GPC5: variants seen among roughly 807,000 people sequenced by gnomAD.
GPC5 encodes the protein glypican-5.
In GPC5, 47 loss-of-function variants were observed where a neutral mutation model predicts 53.9. The observed-to-expected ratio is 0.87, with a 90% CI of 0.69 to 1.11. GPC5 has a LOEUF of 1.11. Ranked by LOEUF, GPC5 falls within the 50% of genes most tolerant of loss-of-function variation. The pLI is 0.00. For synonymous variants in GPC5, 286 were observed against 263.3 expected, an observed-to-expected ratio of 1.09 and a Z score of -0.84; for missense variants, 748 against 713.1, an observed-to-expected ratio of 1.05 and a Z score of -0.56.
intron 2 of GPC5, among the ~76,000 whole-genome samples, chr13:91,628,695 G>T (rs1396454294): frequency 1.3e-5 from 2 of 152,116 alleles, no homozygotes; most frequent in African/African-American, 2.4e-5. Flanking sequence ...CTCTGTCTCA[G>T]TTGCTTTATC....
chr13:91,471,210 C>A (rs188297392), intron 2 of GPC5, among the ~76,000 whole-genome samples: 6 of 152,156 alleles, frequency 3.9e-5, no homozygotes, highest in Admixed American at 3.9e-4. Context: ...TGGGGCAGGA[C>A]CTGCTTTTAC....
At chr13:91,830,780 T>A (rs1335513971) in intron 5 of GPC5, among the ~76,000 whole-genome samples, 2 of 120,632 alleles carry the variant, frequency 1.7e-5, no homozygotes, top group African/African-American at 5.6e-5. Flanking sequence ...ATATATAAAA[T>A]ATATATATAC....
intron 2 of GPC5, among the ~76,000 whole-genome samples, chr13:91,586,528 A>G (rs866050548): frequency 1.7e-4 from 6 of 34,378 alleles, no homozygotes; most frequent in African/African-American, 9.3e-4. Flanking sequence ...ATATATATAT[A>G]TATATATATA....
At chr13:92,164,158 C>G (rs2042010620) in intron 7 of GPC5, among the ~76,000 whole-genome samples, 1 of 152,118 alleles carries the variant, frequency 6.6e-6, no homozygotes, top group African/African-American at 2.4e-5. Context: ...ATCATTCTGC[C>G]CCTGGCCCTT....
chr13:92,369,711 T>G (rs2043635080), intron 7 of GPC5, among the ~76,000 whole-genome samples: 2 of 152,218 alleles, frequency 1.3e-5, no homozygotes, highest in Non-Finnish European at 2.9e-5. Context: ...TAAAAATGCT[T>G]GCAGGTTACT....
At chr13:91,929,023 G>A (rs2039795920) in intron 6 of GPC5, among the ~76,000 whole-genome samples, 1 of 152,066 alleles carries the variant, frequency 6.6e-6, no homozygotes, top group Non-Finnish European at 1.5e-5. Context: ...CCTTGACAGT[G>A]AAGTCCAGAG....
At chr13:92,478,791 T>G (rs1201806782) in intron 7 of GPC5, among the ~76,000 whole-genome samples, 1 of 152,202 alleles carries the variant, frequency 6.6e-6, no homozygotes, top group Non-Finnish European at 1.5e-5. Flanking sequence ...CAGCGGCACT[T>G]TGTCCAACGT....
At chr13:91,748,858 G>A (rs1041535699) in intron 4 of GPC5, among the ~76,000 whole-genome samples, 1 of 152,032 alleles carries the variant, frequency 6.6e-6, no homozygotes, top group Non-Finnish European at 1.5e-5. Context: ...GAAACTGGAT[G>A]TTCTAAGCCT....
chr13:92,081,558 T>C (rs1048372638), intron 6 of GPC5, among the ~76,000 whole-genome samples: 1 of 152,184 alleles, frequency 6.6e-6, no homozygotes, highest in Non-Finnish European at 1.5e-5. Context: ...CTGAGGACCC[T>C]TTACTAGTGC....
At chr13:91,935,565 A>T (rs1051201215) in intron 6 of GPC5, among the ~76,000 whole-genome samples, 3 of 151,936 alleles carry the variant, frequency 2.0e-5, no homozygotes, top group Non-Finnish European at 4.4e-5. Flanking sequence ...TTTGTGGTTT[A>T]TCAGGCATCT....
intron 7 of GPC5, among the ~76,000 whole-genome samples, chr13:92,385,955 A>G (rs929027053): frequency 5.9e-5 from 9 of 151,780 alleles, no homozygotes; most frequent in African/African-American, 2.2e-4. Context: ...AAGAGCTTAT[A>G]CCCCATAAAA....
intron 7 of GPC5, among the ~76,000 whole-genome samples, chr13:92,172,485 A>C (rs533544072): frequency 2.0e-5 from 3 of 152,344 alleles, no homozygotes; most frequent in African/African-American, 7.2e-5. Flanking sequence ...GTTTTGAGGG[A>C]TCTGAGAAGA....
At chr13:92,439,507 G>T (rs1361405541) in intron 7 of GPC5, among the ~76,000 whole-genome samples, 1 of 152,060 alleles carries the variant, frequency 6.6e-6, no homozygotes, top group Non-Finnish European at 1.5e-5. Context: ...TTAACACTAA[G>T]AGTTGGAGGA....
chr13:92,645,708 T>C (rs1415990000), intron 7 of GPC5, among the ~76,000 whole-genome samples: 1 of 152,164 alleles, frequency 6.6e-6, no homozygotes, highest in East Asian at 1.9e-4. Context: ...ATCTTATCTT[T>C]ATTTTTATAT....
chr13:91,643,407 C>G (rs1342587662), intron 2 of GPC5, among the ~76,000 whole-genome samples: 1 of 152,142 alleles, frequency 6.6e-6, no homozygotes, highest in Non-Finnish European at 1.5e-5. Flanking sequence ...TGAAATGTAA[C>G]TACTACAAAT....
At chr13:91,778,933 T>A (rs1347492982) in intron 5 of GPC5, among the ~76,000 whole-genome samples, 1 of 152,240 alleles carries the variant, frequency 6.6e-6, no homozygotes, top group East Asian at 1.9e-4. Flanking sequence ...TTGCAGCATG[T>A]GACTACGCTG....
intron 5 of GPC5, among the ~76,000 whole-genome samples, chr13:91,788,038 GTTTCAATTCT>G (rs1309865844): frequency 6.6e-6 from 1 of 152,132 alleles, no homozygotes; most frequent in Admixed American, 6.6e-5. Context: ...GTATTTGTAT[GTTTCAATTCT>G]TTCCAATAAA....
intron 7 of GPC5, among the ~76,000 whole-genome samples, chr13:92,507,642 CAAAGT>C (rs1230913275): frequency 3.9e-5 from 6 of 151,970 alleles, no homozygotes. Flanking sequence ...TTTCTAAAAG[CAAAGT>C]AAAGTTATTT....
chr13:92,104,284 T>C (rs1037801014), intron 6 of GPC5, among the ~76,000 whole-genome samples: 13 of 152,172 alleles, frequency 8.5e-5, no homozygotes, highest in Non-Finnish European at 1.3e-4. Context: ...GGGTACAGTA[T>C]AGATCAAATT....
Sources: gnomAD v4.1 joint callset for allele counts (sites outside exome capture counted in the v4.1 genomes callset) on GRCh38, gnomAD v4.1.1 for gene constraint, MANE v1.5 for transcripts, NCBI Gene and HGNC (gene_info 2026-07-23, HGNC 2026-07-21) for gene names.